The following PPFIA3 variants were observed in gnomAD, a reference collection of about 807,000 sequenced individuals.
PPFIA3 encodes PPFI scaffold protein A3.
A neutral mutation model predicts 145.8 loss-of-function variants in PPFIA3; 26 were observed. The ratio of observed to expected loss-of-function variants is 0.18; its 90% CI spans 0.13 to 0.25. PPFIA3 has a LOEUF of 0.25. PPFIA3 is among the 10% of genes least tolerant of loss of function. The pLI, the probability that PPFIA3 is intolerant of heterozygous loss-of-function variation, is 1.00. For synonymous variants in PPFIA3, 645 were observed against 661.4 expected (o/e 0.98, Z 0.38); for missense variants, 1,008 against 1,587.8 (o/e 0.63, Z 6.21).
chr19:49,141,616 G>GT, intron 19 of PPFIA3, 103 bp downstream of exon 19: 1 of 938,940 alleles, frequency 1.1e-6, no homozygotes. Context: ...GTGTGTGTGT[G>GT]AGAGGGTGTG....
In PPFIA3 at chr19:49,138,509, A is replaced by G. The variant is rs530049258; in HGVS notation, c.2076+82A>G. 1.2e-5 allele frequency: 14 copies of G among 1,205,428 alleles called. No individual in the cohort carries two copies. In the East Asian group the frequency reaches 3.8e-4, roughly 32 times the overall value. 74.7% of individuals were successfully genotyped at this position (1,205,428 alleles called of 1,614,324 possible). Reference sequence around the variant, plus strand: ...GGGCTCCCCAGTGTACAGCAACAATAACCCCTCACACCAGTGGTTTTCCAA... The same window carrying G: ...GGGCTCCCCAGTGTACAGCAACAATGACCCCTCACACCAGTGGTTTTCCAA... On this transcript the variant is annotated intron_variant, in intron 16 of 29. Coordinates refer to ENST00000334186, the MANE Select transcript of PPFIA3 (RefSeq NM_003660.4).
rs1432568547 is a variant in PPFIA3 at position 49,130,075 on chromosome 19, A to C, written c.657+8A>C. ...AAGGATGGGGATGGGCAGGTGAGAC[A>C]TGGAAGTCCCCTCTCCGTGAGCTCC... On this transcript the variant is annotated splice_region_variant and intron_variant, in intron 6 of 29. Transcript: ENST00000334186. This position sits in a 1 kb window ranked among gnomAD's most constrained non-coding sequence, Gnocchi z 4.5. The C allele has an allele frequency of 1.9e-6, 3 of 1,607,888 alleles. No individual in the cohort carries two copies. The highest frequency in any genetic ancestry group is 2.7e-5 in the African/African-American group (2 of 74,412).
chr19:49,121,478 T>G (rs1233026820), intron 1 of PPFIA3, among the ~76,000 whole-genome samples: 2 of 151,770 alleles, frequency 1.3e-5, no homozygotes, highest in Non-Finnish European at 2.9e-5. Flanking sequence ...CCTGGCTAAT[T>G]AAAAAAAAAT....
At chr19:49,131,702 G>T (rs1314615778) in intron 7 of PPFIA3, among the ~76,000 whole-genome samples, 1 of 151,728 alleles carries the variant, frequency 6.6e-6, no homozygotes, top group Non-Finnish European at 1.5e-5. Flanking sequence ...GGTGCCTTTA[G>T]TCCCAGCCAC....
At chr19:49,146,513 G>A (rs896520205) in intron 23 of PPFIA3, 2 of 455,988 alleles carry the variant, frequency 4.4e-6, no homozygotes, top group Admixed American at 3.8e-5. Flanking sequence ...ATAGTGGAGG[G>A]GGCGGGGGCT....
intron 13 of PPFIA3, 104 bp downstream of exon 13, chr19:49,135,019 C>T (rs983516596): frequency 1.0e-6 from 1 of 976,312 alleles, no homozygotes; most frequent in East Asian, 2.6e-5. Flanking sequence ...AGACTTCTGA[C>T]CCCTCTGTTT....
chr19:49,148,050 C>G (rs958903428), intron 23 of PPFIA3, 33 bp from the exon 24 acceptor site: 3 of 1,591,136 alleles, frequency 1.9e-6, no homozygotes, highest in African/African-American at 2.7e-5. Flanking sequence ...GGCCAGAGGG[C>G]CTGACTCTTC....
At chr19:49,148,819 G>T (rs1050942829) in intron 25 of PPFIA3, 56 bp downstream of exon 25, 12 of 1,552,544 alleles carry the variant, frequency 7.7e-6, no homozygotes, top group Non-Finnish European at 8.0e-6. Context: ...GGAGCTGGAT[G>T]GGGAGGAGAG....
Position 49,127,902 on chromosome 19 carries a change from G to T in PPFIA3, c.29G>T (p.Ser10Ile), listed in dbSNP as rs760577214. MMCEVMPTISEDGRRGSALG... is the reference protein window; with the variant it reads MMCEVMPTIIEDGRRGSALG... ...ATGTGCGAGGTGATGCCCACCATCA[G>T]CGAGGATGGCCGGCGGGGCTCGGCG... The change falls in exon 2 of 30, where the codon AGC (serine) becomes ATC (isoleucine). Residue 10 changes from serine to isoleucine, a missense_variant. Physicochemically the swap from Ser to Ile is moderately radical, Grantham distance 142 (BLOSUM62 -2). This residue lies in a region of PPFIA3 where 108 missense variants were observed against 144.3 expected (regional missense o/e 0.75). Coordinates refer to ENST00000334186, the MANE Select transcript of PPFIA3 (RefSeq NM_003660.4). 1.9e-6 allele frequency: 3 copies of T among 1,593,296 alleles called. No homozygotes were observed.
At chr19:49,126,560 C>CTTTTTTTTTTTTTTTTTTTT (rs762895281) in intron 1 of PPFIA3, among the ~76,000 whole-genome samples, 1 of 118,820 alleles carries the variant, frequency 8.4e-6, no homozygotes, top group Non-Finnish European at 1.7e-5. Flanking sequence ...CCTGGCCTTG[C>CTTTTTTTTTTTTTTTTTTTT]TTTTTTTTTT....
At chr19:49,141,343 T>G in intron 18 of PPFIA3, 77 bp from the exon 19 acceptor site, 1 of 1,168,708 alleles carries the variant, frequency 8.6e-7, no homozygotes, top group Non-Finnish European at 1.3e-6. Context: ...TTCCGGCATT[T>G]TCCTCATCAC....
rs371870415 is a variant in PPFIA3 at position 49,133,207 on chromosome 19, G to C, written c.1027-30G>C. The C allele has an allele frequency of 2.0e-4, 324 of 1,587,620 alleles. No homozygotes were observed. Among genetic ancestry groups the C allele is most frequent in the Non-Finnish European group, 2.7e-4 (309 of 1,164,792 alleles). Reference sequence around the variant, plus strand: ...TGCCGGGGCCCAAGTGACCCAGCCCGTCCCCTCCCCCTGCCTCTCCCTCCC... The same window carrying C: ...TGCCGGGGCCCAAGTGACCCAGCCCCTCCCCTCCCCCTGCCTCTCCCTCCC... On this transcript the variant is annotated intron_variant, in intron 8 of 29. Coordinates refer to ENST00000334186, the MANE Select transcript of PPFIA3 (RefSeq NM_003660.4). This position sits in a 1 kb window ranked among gnomAD's most constrained non-coding sequence, Gnocchi z 7.2.
intron 14 of PPFIA3, 123 bp downstream of exon 14, chr19:49,136,046 T>G: frequency 8.7e-7 from 1 of 1,150,582 alleles, no homozygotes; most frequent in African/African-American, 1.6e-5. Context: ...CTTGGACTCA[T>G]CCACTCACCC....
chr19:49,147,478 G>A (rs866946354), intron 23 of PPFIA3, among the ~76,000 whole-genome samples: 4 of 152,052 alleles, frequency 2.6e-5, no homozygotes, highest in Non-Finnish European at 4.4e-5. Context: ...TTGAGGTCAG[G>A]AGTTTGAGAC....
At position 49,150,775 on chromosome 19, in the gene PPFIA3, T is replaced by G; in HGVS notation, c.*553T>G. 6.5e-6 allele frequency: 1 copy of G among 153,562 alleles called. No homozygotes were observed. The highest frequency in any genetic ancestry group is 1.5e-5 in the Non-Finnish European group (1 of 68,836). The allele number at this position is 153,562 out of a possible 1,614,324, so 9.5% of individuals were successfully genotyped here. A position where few individuals can be genotyped will look rare whatever the true frequency, so the allele number is the denominator to read the frequency against. ...TCCCCTCTCCCTCCCCCGTGTCTCG[T>G]GTCCCCGGGGCCTCACCGCCCCCCG... On this transcript the variant is annotated 3_prime_UTR_variant, in exon 30 of 30. Transcript: ENST00000334186.
At chr19:49,148,446 A>C in intron 24 of PPFIA3, 188 bp downstream of exon 24, 1 of 806,100 alleles carries the variant, frequency 1.2e-6, no homozygotes, top group Non-Finnish European at 1.9e-6. Flanking sequence ...TCAGATCCTG[A>C]AATGGCTTGG....
chr19:49,145,999 C>A lies in PPFIA3; in HGVS notation c.2802C>A (p.Thr934=). ...HEEMESLTAT[T]KPETKEISWE... ...AGATGGAGTCCCTTACGGCCACGAC[C>A]AAGCCCGTGAGTGCCCCCTGCCGGC... Residue 934 remains threonine, a synonymous_variant, in exon 22 of 30, where the codon ACC becomes ACA. Coordinates refer to ENST00000334186, the MANE Select transcript of PPFIA3 (RefSeq NM_003660.4). The A allele has an allele frequency of 6.2e-7, 1 of 1,614,026 alleles. No individual in the cohort carries two copies. Among genetic ancestry groups the A allele is most frequent in the Non-Finnish European group, 8.5e-7 (1 of 1,179,954 alleles).
chr19:49,124,921 G>T (rs2040978686), intron 1 of PPFIA3, among the ~76,000 whole-genome samples: 2 of 151,928 alleles, frequency 1.3e-5, no homozygotes, highest in South Asian at 4.1e-4. Context: ...AAAATAATTA[G>T]CCGGGCGTGG....
chr19:49,148,491 TAGG>T (rs1267370131), intron 24 of PPFIA3, 172 bp from the exon 25 acceptor site: 11 of 716,362 alleles, frequency 1.5e-5, no homozygotes, highest in Middle Eastern at 4.0e-4. Flanking sequence ...GGCTGGCCAG[TAGG>T]AAGTGCCTAT....
Sources: gnomAD v4.1 joint callset for allele counts (sites outside exome capture counted in the v4.1 genomes callset) on GRCh38, gnomAD v4.1.1 for gene constraint, gnomAD v4.1.1 regional missense constraint, Gnocchi (gnomAD v3.1) non-coding constraint, MANE v1.5 for transcripts, NCBI Gene and HGNC (gene_info 2026-07-23, HGNC 2026-07-21) for gene names.